Variants in MYO5B observed in about 807,000 individuals in gnomAD.
The protein encoded by MYO5B is unconventional myosin-Vb.
In MYO5B, 143 loss-of-function variants were observed where a neutral mutation model predicts 229.3. That is an observed-to-expected ratio of 0.62 (90% CI 0.54 to 0.72). The LOEUF is 0.72. MYO5B is among the 30% of genes least tolerant of loss of function. The pLI, the probability that MYO5B is intolerant of heterozygous loss-of-function variation, is 0.00. For missense variants in MYO5B, 2,321 were observed against 2,331.0 expected, an observed-to-expected ratio of 1.00 and a Z score of 0.09; for synonymous variants, 918 against 885.2, an observed-to-expected ratio of 1.04 and a Z score of -0.66.
chr18:49,932,359 G>A (rs182283500), intron 16 of MYO5B, among the ~76,000 whole-genome samples: 3 of 152,348 alleles, frequency 2.0e-5, no homozygotes, highest in Admixed American at 2.0e-4. Flanking sequence ...CGTGCCTGGA[G>A]CTGGTCCCCA....
At chr18:50,033,908 C>T (rs927367578) in intron 4 of MYO5B, among the ~76,000 whole-genome samples, 1 of 151,084 alleles carries the variant, frequency 6.6e-6, no homozygotes. Flanking sequence ...TCTCCTGGAA[C>T]TCTTGGGGGG....
intron 1 of MYO5B, among the ~76,000 whole-genome samples, chr18:50,121,944 ACCCTTT>A (rs1161399026): frequency 2.0e-4 from 31 of 152,156 alleles, no homozygotes; most frequent in Admixed American, 2.0e-3. Flanking sequence ...AGTGGACATC[ACCCTTT>A]GTTTCCTTTT....
chr18:49,843,494 T>C, intron 33 of MYO5B, 102 bp from the exon 34 acceptor site: 2 of 1,400,498 alleles, frequency 1.4e-6, no homozygotes, highest in East Asian at 2.3e-5. Flanking sequence ...TATTTCCCCA[T>C]AGCTCATCTA....
intron 29 of MYO5B, among the ~76,000 whole-genome samples, chr18:49,862,862 G>A (rs965053344): frequency 3.9e-5 from 6 of 152,030 alleles, no homozygotes; most frequent in African/African-American, 1.4e-4. Context: ...TGCAGCAGAT[G>A]GCTAAGCAGC....
intron 1 of MYO5B, among the ~76,000 whole-genome samples, chr18:50,056,754 C>CTT (rs80087851): frequency 1.0e-3 from 147 of 140,426 alleles, no homozygotes; most frequent in African/African-American, 2.2e-3. Context: ...TAATCAGAGG[C>CTT]TTTTTTTTTT....
intron 1 of MYO5B, among the ~76,000 whole-genome samples, chr18:50,082,705 C>T (rs1426682262): frequency 3.3e-5 from 5 of 152,224 alleles, no homozygotes; most frequent in South Asian, 2.1e-4. Context: ...CATTAGACAA[C>T]GCATGCTTAT....
rs189888051 is a variant in MYO5B, at chr18:49,885,147, A to G, written c.3046-4692T>C. On this transcript the variant is annotated intron_variant, in intron 22 of 39. Coordinates refer to ENST00000285039, the MANE Select transcript of MYO5B (RefSeq NM_001080467.3). ...ACTCCTGGGCAGATACCCAAGATAA[A>G]TGAAAACCTAGTCCACACAAAAACT... 1.8e-3 allele frequency among the ~76,000 whole-genome samples: 268 copies of G among 152,296 alleles called. 1 individual carries two copies. Among genetic ancestry groups the G allele is most frequent in the African/African-American group, 6.3e-3 (262 of 41,554 alleles).
chr18:49,902,630 G>A lies in MYO5B; in HGVS notation c.2775C>T (p.Asn925=). Reference sequence around the variant, plus strand: ...TCTTCCGCTGCAGCTGGACCACCTTGTTCTCCATGCCCACGTTGAGACGTT... The same window carrying A: ...TCTTCCGCTGCAGCTGGACCACCTTATTCTCCATGCCCACGTTGAGACGTT... The part of the protein sequence containing the change: ...HLKRLNVGME[N]KVVQLQRKID... Residue 925 remains asparagine, a synonymous_variant, in exon 21 of 40, where the codon AAC becomes AAT. Transcript: ENST00000285039. The A allele has an allele frequency of 1.2e-6, 2 of 1,613,328 alleles. No individual in the cohort carries two copies. The highest frequency in any genetic ancestry group is 2.2e-5 in the East Asian group (1 of 44,882).
At chr18:50,005,446 T>C (rs2026090906) in intron 4 of MYO5B, among the ~76,000 whole-genome samples, 1 of 152,226 alleles carries the variant, frequency 6.6e-6, no homozygotes, top group African/African-American at 2.4e-5. Flanking sequence ...GATCTCACTC[T>C]GTCACCCAGG....
chr18:49,935,618 A>G (rs1370272756), intron 16 of MYO5B, among the ~76,000 whole-genome samples: 5 of 152,226 alleles, frequency 3.3e-5, no homozygotes, highest in Non-Finnish European at 7.3e-5. Flanking sequence ...GGCTTGCACA[A>G]ACACTTGTCT....
At chr18:50,055,518 C>T in intron 1 of MYO5B, 140 bp from the exon 2 acceptor site, 1 of 709,256 alleles carries the variant, frequency 1.4e-6, no homozygotes, top group Non-Finnish European at 2.5e-6. Context: ...CATTTCAGGA[C>T]ACAACGTGAT....
intron 4 of MYO5B, among the ~76,000 whole-genome samples, chr18:50,016,443 A>G (rs1277301619): frequency 6.6e-6 from 1 of 152,186 alleles, no homozygotes; most frequent in Non-Finnish European, 1.5e-5. Flanking sequence ...ATTCTTTAAC[A>G]TAATGTGTAT....
intron 2 of MYO5B, among the ~76,000 whole-genome samples, chr18:50,051,897 T>C (rs1311880051): frequency 3.3e-5 from 5 of 152,184 alleles, no homozygotes; most frequent in Non-Finnish European, 7.4e-5. Flanking sequence ...AGTTGGTGTT[T>C]AATGGGGACC....
chr18:50,072,253 A>C (rs928836899), intron 1 of MYO5B, among the ~76,000 whole-genome samples: 11 of 151,796 alleles, frequency 7.2e-5, no homozygotes, highest in African/African-American at 2.4e-4. Flanking sequence ...AAAAAAAAAA[A>C]CTAACATTTA....
rs555357017 is a variant in MYO5B at position 49,994,201 on chromosome 18, T to TCC, written c.613-1772_613-1771dup. Among the ~76,000 whole-genome samples the TCC allele has an allele frequency of 5.3e-5, 8 of 152,210 alleles. No individual in the cohort carries two copies. In the East Asian group the frequency reaches 1.5e-3, roughly 29 times the overall value. On this transcript the variant is annotated intron_variant, in intron 5 of 39. Transcript: ENST00000285039. ...TCCAGGCCCTACATTTCCCTCTTCTTCCCCTTAGCCCATATGCGGTTAACC... is the reference window on the plus strand; with the variant it reads ...TCCAGGCCCTACATTTCCCTCTTCTTCCCCCCTTAGCCCATATGCGGTTAACC...
At chr18:49,907,031 G>A (rs1314430369) in intron 18 of MYO5B, among the ~76,000 whole-genome samples, 1 of 152,188 alleles carries the variant, frequency 6.6e-6, no homozygotes, top group East Asian at 1.9e-4. Flanking sequence ...AGACCTAAAT[G>A]AGCTGAAGGA....
intron 4 of MYO5B, 46 bp downstream of exon 4, chr18:50,036,804 G>A (rs1031275507): frequency 1.9e-6 from 3 of 1,610,148 alleles, no homozygotes; most frequent in Non-Finnish European, 2.5e-6. Flanking sequence ...TCCCCTTCCT[G>A]CCCACTGACT....
rs553897457 is a variant in MYO5B at position 50,049,050 on chromosome 18, G to C, written c.138+6218C>G. Among the ~76,000 whole-genome samples the C allele has an allele frequency of 3.3e-5, 5 of 149,518 alleles. No individual in the cohort carries two copies. The South Asian group carries it at 1.1e-3, about 32-fold the overall frequency. On this transcript the variant is annotated intron_variant, in intron 2 of 39. Coordinates refer to ENST00000285039, the MANE Select transcript of MYO5B (RefSeq NM_001080467.3). ...AAAAAAAAAAAAAAAAAAGTGTGAA[G>C]TTGGAGGACTCAGAGACTCAGATAC...
chr18:50,107,133 T>G (rs1465895511), intron 1 of MYO5B, among the ~76,000 whole-genome samples: 1 of 134,748 alleles, frequency 7.4e-6, no homozygotes, highest in Non-Finnish European at 1.5e-5. Context: ...TTTTTTTTTT[T>G]TTTTTTGAGA....
Sources: allele counts gnomAD v4.1 joint callset (sites outside exome capture counted in the v4.1 genomes callset), GRCh38; gene constraint gnomAD v4.1.1; transcripts MANE v1.5; gene names NCBI Gene and HGNC (gene_info 2026-07-23, HGNC 2026-07-21).